Variants in DLGAP1 observed in about 807,000 individuals in gnomAD.
DLGAP1 encodes the protein DLG associated protein 1.
In DLGAP1, 11 loss-of-function variants were observed where a neutral mutation model predicts 90.8. That is an observed-to-expected ratio of 0.12 (90% CI 0.08 to 0.20). DLGAP1 has a LOEUF of 0.20. Ranked by LOEUF, DLGAP1 falls within the 10% of genes least tolerant of loss-of-function variation. DLGAP1 has a pLI of 1.00. For synonymous variants in DLGAP1, 558 were observed against 540.7 expected, an observed-to-expected ratio of 1.03 and a Z score of -0.44; for missense variants, 1,050 against 1,333.8, an observed-to-expected ratio of 0.79 and a Z score of 3.31.
chr18:4,131,770 A>G (rs1468851245), intron 2 of DLGAP1, among the ~76,000 whole-genome samples: 1 of 152,180 alleles, frequency 6.6e-6, no homozygotes. Context: ...TACTAGCCAT[A>G]GGCACAAATT....
At chr18:4,189,784 T>C (rs998108240) in intron 1 of DLGAP1, among the ~76,000 whole-genome samples, 1 of 152,040 alleles carries the variant, frequency 6.6e-6, no homozygotes, top group Non-Finnish European at 1.5e-5. Flanking sequence ...TAGAACAGAA[T>C]AGAGAGCCCA....
chr18:3,704,827 G>A (rs1437695840), intron 7 of DLGAP1, among the ~76,000 whole-genome samples: 1 of 152,148 alleles, frequency 6.6e-6, no homozygotes, highest in Non-Finnish European at 1.5e-5. Context: ...TGTGGTCATA[G>A]AGACTGGCAG....
intron 5 of DLGAP1, among the ~76,000 whole-genome samples, chr18:3,798,582 G>A (rs771367701): frequency 1.4e-4 from 21 of 152,182 alleles, no homozygotes; most frequent in Non-Finnish European, 2.2e-4. Context: ...CACATGGAGG[G>A]TGGTTGAGTA....
intron 3 of DLGAP1, among the ~76,000 whole-genome samples, chr18:3,894,038 A>C (rs1204874286): frequency 6.6e-6 from 1 of 152,098 alleles, no homozygotes; most frequent in Admixed American, 6.6e-5. Context: ...ATATCTGTTC[A>C]TGTCCTTTGC....
At chr18:3,541,234 A>T (rs1439803346) in intron 9 of DLGAP1, among the ~76,000 whole-genome samples, 1 of 152,152 alleles carries the variant, frequency 6.6e-6, no homozygotes, top group African/African-American at 2.4e-5. Context: ...AAAGGAAGAA[A>T]GAGAGAGAGA....
intron 2 of DLGAP1, among the ~76,000 whole-genome samples, chr18:4,028,421 G>A (rs981805477): frequency 4.1e-4 from 63 of 152,154 alleles, no homozygotes; most frequent in African/African-American, 1.3e-3. Flanking sequence ...CAGCAAATAC[G>A]TTATTACCTG....
chr18:3,743,646 G>A (rs938265162), intron 5 of DLGAP1, among the ~76,000 whole-genome samples: 2 of 147,406 alleles, frequency 1.4e-5, no homozygotes, highest in South Asian at 2.2e-4. Context: ...GAGCCACCGC[G>A]CCCGGCCTTT....
At chr18:3,892,981 AG>A (rs1407412747) in intron 3 of DLGAP1, among the ~76,000 whole-genome samples, 2 of 151,020 alleles carry the variant, frequency 1.3e-5, no homozygotes, top group Non-Finnish European at 2.9e-5. Context: ...GTAGAAGTAA[AG>A]GCTGGGCTTT....
intron 1 of DLGAP1, among the ~76,000 whole-genome samples, chr18:4,249,949 C>G (rs2078746803): frequency 6.6e-6 from 1 of 152,210 alleles, no homozygotes. Flanking sequence ...CTGTCCTATT[C>G]CACTGTCCAC....
chr18:3,853,019 TTTG>T (rs913034853), intron 4 of DLGAP1, among the ~76,000 whole-genome samples: 3 of 152,056 alleles, frequency 2.0e-5, no homozygotes, highest in Non-Finnish European at 2.9e-5. Flanking sequence ...GCATTTATTT[TTTG>T]TTGTTGTTGT....
Position 4,370,014 on chromosome 18 carries a change from GA to G in DLGAP1, c.-267+84991del, listed in dbSNP as rs1167668596. 7.9e-5 allele frequency among the ~76,000 whole-genome samples: 12 copies of G among 152,198 alleles called. No individual in the cohort carries two copies. The East Asian group carries it at 2.3e-3, about 29-fold the overall frequency. On this transcript the variant is annotated intron_variant, in intron 1 of 12. Transcript: ENST00000315677. ...AGAAGGAGAAGCAGGGAGCAAGACT[GA>G]AGGCGGGAAAACTAATTAGGAAGCT...
chr18:3,656,960 A>G (rs1225062944), intron 7 of DLGAP1, among the ~76,000 whole-genome samples: 6 of 151,998 alleles, frequency 3.9e-5, no homozygotes, highest in Non-Finnish European at 5.9e-5. Context: ...ATTAGTCAGG[A>G]TGGTCTCGAT....
intron 2 of DLGAP1, among the ~76,000 whole-genome samples, chr18:4,095,869 C>T (rs556369821): frequency 5.6e-4 from 85 of 152,108 alleles, no homozygotes; most frequent in African/African-American, 2.0e-3. Context: ...TAAGTGCCTC[C>T]TTAGAAAGAA....
intron 2 of DLGAP1, among the ~76,000 whole-genome samples, chr18:4,118,779 C>A (rs2076104635): frequency 6.6e-6 from 1 of 152,092 alleles, no homozygotes; most frequent in African/African-American, 2.4e-5. Context: ...ATGCCACAGA[C>A]CCCTGTCTTA....
chr18:4,111,835 C>T (rs192469532), intron 2 of DLGAP1, among the ~76,000 whole-genome samples: 2 of 151,834 alleles, frequency 1.3e-5, no homozygotes, highest in Admixed American at 1.3e-4. Flanking sequence ...TTTCTTCTTT[C>T]GGTCAGTCTA....
At chr18:4,246,968 T>G (rs1445586843) in intron 1 of DLGAP1, among the ~76,000 whole-genome samples, 3 of 152,196 alleles carry the variant, frequency 2.0e-5, no homozygotes, top group Non-Finnish European at 4.4e-5. Flanking sequence ...AGATAAGCTC[T>G]CTTATTTTAT....
At chr18:3,680,919 A>G (rs1324019391) in intron 7 of DLGAP1, among the ~76,000 whole-genome samples, 1 of 152,170 alleles carries the variant, frequency 6.6e-6, no homozygotes, top group Non-Finnish European at 1.5e-5. Flanking sequence ...CTATGCTGCA[A>G]ACTCTGGTTT....
intron 3 of DLGAP1, among the ~76,000 whole-genome samples, chr18:3,914,233 A>T (rs548134965): frequency 7.9e-5 from 12 of 152,224 alleles, no homozygotes; most frequent in Non-Finnish European, 1.6e-4. Context: ...AGGCTCTGGT[A>T]ATTACCATTT....
At chr18:3,597,393 G>C (rs1599438860) in intron 7 of DLGAP1, 1 of 376,722 alleles carries the variant, frequency 2.7e-6, no homozygotes, top group East Asian at 7.2e-5. Context: ...TGAGACTGTG[G>C]GGTAGCTGGT....
Sources: allele counts gnomAD v4.1 joint callset (sites outside exome capture counted in the v4.1 genomes callset), GRCh38; gene constraint gnomAD v4.1.1; transcripts MANE v1.5; gene names NCBI Gene and HGNC (gene_info 2026-07-23, HGNC 2026-07-21).